The following SLC16A6 variants were observed in gnomAD, a reference collection of about 807,000 sequenced individuals.
SLC16A6 encodes the protein solute carrier family 16 member 6.
In SLC16A6, 15 loss-of-function variants were observed where a neutral mutation model predicts 33.8. The observed-to-expected ratio is 0.44, with a 90% confidence interval of 0.30 to 0.68. The LOEUF (loss-of-function observed/expected upper bound fraction) is 0.68, where lower values mean the gene tolerates loss of function less well. SLC16A6 is among the 30% of genes least tolerant of loss of function. SLC16A6 has a pLI of 0.10. For missense variants in SLC16A6, 451 were observed against 661.5 expected (o/e 0.68, Z 3.49); for synonymous variants, 219 against 248.4 (o/e 0.88, Z 1.11).
At chr17:68,270,197 G>A (rs2075290555) in intron 5 of SLC16A6, among the ~76,000 whole-genome samples, 1 of 152,116 alleles carries the variant, frequency 6.6e-6, no homozygotes, top group Non-Finnish European at 1.5e-5. Flanking sequence ...CCAAAAGTCA[G>A]GTGGGCTCTG....
intron 2 of SLC16A6, among the ~76,000 whole-genome samples, chr17:68,275,502 T>C (rs1386078482): frequency 2.6e-5 from 4 of 152,162 alleles, no homozygotes; most frequent in Admixed American, 2.0e-4. Flanking sequence ...TTGGAAGAAT[T>C]ATCTTCTGGT....
rs1178923310 is a variant in SLC16A6 at position 68,271,927 on chromosome 17, T to G, written c.506-273A>C. Among the ~76,000 whole-genome samples, 3 of 152,134 alleles carry G rather than the reference T, an allele frequency of 2.0e-5. No individual in the cohort carries two copies. The highest frequency in any genetic ancestry group is 7.2e-5 in the African/African-American group (3 of 41,428). ...AAGCGATTCTCCTGCCTCAGCCTCC[T>G]GAGTAGCTGGGACTATAGGCGTGCG... On this transcript the variant is annotated intron_variant, in intron 4 of 5. Coordinates refer to ENST00000580666, the MANE Select transcript of SLC16A6 (RefSeq NM_004694.5). The surrounding 1 kb of genome is among the most constrained non-coding windows in gnomAD (Gnocchi z 5.3).
intron 3 of SLC16A6, 57 bp from the exon 4 acceptor site, chr17:68,272,824 G>A: frequency 1.3e-6 from 2 of 1,597,084 alleles, no homozygotes; most frequent in African/African-American, 1.3e-5. Flanking sequence ...GAGACTGGAA[G>A]GATGCATTAA....
intron 1 of SLC16A6, among the ~76,000 whole-genome samples, chr17:68,288,324 C>T (rs1456094441): frequency 8.6e-5 from 13 of 152,042 alleles, no homozygotes; most frequent in African/African-American, 2.7e-4. Context: ...TTTTCCATTC[C>T]TTCAGCAGAA....
In SLC16A6 at chr17:68,271,778, A is replaced by G. The variant is rs1307128716; in HGVS notation, c.506-124T>C. On this transcript the variant is annotated intron_variant, in intron 4 of 5. Transcript: ENST00000580666. The surrounding 1 kb of genome is among the most constrained non-coding windows in gnomAD (Gnocchi z 5.3). Reference sequence around the variant, plus strand: ...TATAAGTTCTGTGGAAATTTATTATACTCAGCAGTATGAATGTACTCAATC... The same window carrying G: ...TATAAGTTCTGTGGAAATTTATTATGCTCAGCAGTATGAATGTACTCAATC... 1.4e-6 allele frequency: 1 copy of G among 702,188 alleles called. No individual in the cohort carries two copies. The highest frequency in any genetic ancestry group is 2.4e-6 in the Non-Finnish European group (1 of 419,166). 43.5% of individuals were successfully genotyped at this position (702,188 alleles called of 1,614,324 possible). A position where few individuals can be genotyped will look rare whatever the true frequency, so the allele number is the denominator to read the frequency against.
At chr17:68,282,217 T>C (rs1286558340) in intron 1 of SLC16A6, among the ~76,000 whole-genome samples, 1 of 152,030 alleles carries the variant, frequency 6.6e-6, no homozygotes, top group Admixed American at 6.6e-5. Flanking sequence ...TGGATGAAGC[T>C]GGAAACCATC....
At chr17:68,290,767 C>G (rs2075959046) in intron 1 of SLC16A6, among the ~76,000 whole-genome samples, 1 of 152,188 alleles carries the variant, frequency 6.6e-6, no homozygotes, top group African/African-American at 2.4e-5. Context: ...TTCCGACGTC[C>G]CGGAGCCCCC....
intron 3 of SLC16A6, among the ~76,000 whole-genome samples, chr17:68,272,982 T>C (rs997219629): frequency 6.6e-6 from 1 of 151,786 alleles, no homozygotes; most frequent in Non-Finnish European, 1.5e-5. Context: ...ACTAAAAATA[T>C]AACTTTTTTT....
intron 1 of SLC16A6, among the ~76,000 whole-genome samples, chr17:68,286,871 T>A (rs1232835830): frequency 6.6e-6 from 1 of 152,236 alleles, no homozygotes; most frequent in African/African-American, 2.4e-5. Context: ...CCAAGGAAAC[T>A]GAGCTCGGAG....
chr17:68,284,509 C>T (rs565143881), intron 1 of SLC16A6, among the ~76,000 whole-genome samples: 1 of 152,234 alleles, frequency 6.6e-6, no homozygotes, highest in Admixed American at 6.5e-5. Context: ...TATCCTTTTC[C>T]TAGCCATAAG....
At chr17:68,287,891 A>T (rs1216839652) in intron 1 of SLC16A6, among the ~76,000 whole-genome samples, 1 of 151,854 alleles carries the variant, frequency 6.6e-6, no homozygotes, top group African/African-American at 2.4e-5. Context: ...TGCAGAATAA[A>T]ACCCTTCCTG....
chr17:68,275,069 C>G (rs543647395), intron 2 of SLC16A6, among the ~76,000 whole-genome samples: 1 of 152,122 alleles, frequency 6.6e-6, no homozygotes, highest in Non-Finnish European at 1.5e-5. Flanking sequence ...CGTGAGCCAC[C>G]GCGCCCAGCC....
At chr17:68,290,787 C>A (rs1189832588) in intron 1 of SLC16A6, among the ~76,000 whole-genome samples, 3 of 152,232 alleles carry the variant, frequency 2.0e-5, no homozygotes, top group African/African-American at 7.2e-5. Flanking sequence ...CAACCCGGGG[C>A]AGGGGGCACT....
chr17:68,276,125 G>C (rs2075510337), intron 2 of SLC16A6, among the ~76,000 whole-genome samples: 1 of 151,454 alleles, frequency 6.6e-6, no homozygotes, highest in South Asian at 2.1e-4. Flanking sequence ...ACAGAGTCTT[G>C]CTCTGTCTCC....
chr17:68,288,827 A>G (rs1401789054), intron 1 of SLC16A6, among the ~76,000 whole-genome samples: 1 of 152,172 alleles, frequency 6.6e-6, no homozygotes, highest in African/African-American at 2.4e-5. Context: ...AGTTATGGAA[A>G]CCACAGAATC....
intron 3 of SLC16A6, among the ~76,000 whole-genome samples, chr17:68,273,457 G>A (rs2075409134): frequency 6.6e-6 from 1 of 152,126 alleles, no homozygotes; most frequent in African/African-American, 2.4e-5. Context: ...CTGGGCTCAC[G>A]TGATCCTCCT....
chr17:68,274,190 G>A (rs1479417146), intron 2 of SLC16A6, 120 bp from the exon 3 acceptor site: 1 of 1,081,612 alleles, frequency 9.2e-7, no homozygotes, highest in East Asian at 2.5e-5. Context: ...ATATGGCCGA[G>A]CGCAGTGGCT....
chr17:68,270,766 G>A, intron 5 of SLC16A6, 73 bp downstream of exon 5: 1 of 1,328,366 alleles, frequency 7.5e-7, no homozygotes, highest in South Asian at 1.5e-5. Flanking sequence ...TTTTTTTTAT[G>A]GCTTGAACAG....
Position 68,278,310 on chromosome 17 carries a change from T to C in SLC16A6, c.11A>G (p.Asn4Ser), listed in dbSNP as rs374238917. MTQ[N>S]KLKLCSKANV... ...GGCTTTGGAACAAAGCTTTAATTTA[T>C]TTTGGGTCATTCTTAATCTGAAAGA... Residue 4 changes from asparagine (N) to serine (S), a missense_variant, in exon 2 of 6, where the codon AAT becomes AGT. Asn to Ser is a conservative substitution (Grantham distance 46). This residue lies in a region of SLC16A6 where 405 missense variants were observed against 510.7 expected (regional missense o/e 0.79). Transcript: ENST00000580666. 43 of 1,612,706 alleles carry C rather than the reference T, an allele frequency of 2.7e-5. No homozygotes were observed. In the African/African-American group the frequency reaches 4.8e-4, roughly 18 times the overall value.
Sources: allele counts gnomAD v4.1 joint callset (sites outside exome capture counted in the v4.1 genomes callset), GRCh38; gene constraint gnomAD v4.1.1; regional missense constraint gnomAD v4.1.1; non-coding constraint Gnocchi (gnomAD v3.1); transcripts MANE v1.5; gene names NCBI Gene and HGNC (gene_info 2026-07-23, HGNC 2026-07-21).